The following MAGI1 variants were observed in gnomAD, a reference collection of about 807,000 sequenced individuals.
MAGI1 encodes membrane associated guanylate kinase, WW and PDZ domain containing 1.
MAGI1 carries 58 observed loss-of-function variants against 139.9 expected under a neutral mutation model. That is an observed-to-expected ratio of 0.41 (90% CI 0.34 to 0.52). The LOEUF (loss-of-function observed/expected upper bound fraction) is 0.52, where lower values mean the gene tolerates loss of function less well. Among genes scored for constraint, MAGI1 ranks in the 20% least tolerant of loss-of-function variants. MAGI1 has a pLI of 0.12. For synonymous variants in MAGI1, 812 were observed against 737.9 expected, an observed-to-expected ratio of 1.10 and a Z score of -1.63; for missense variants, 1,874 against 1,901.6, an observed-to-expected ratio of 0.99 and a Z score of 0.27.
At chr3:65,939,691 G>C (rs1046686062) in intron 1 of MAGI1, among the ~76,000 whole-genome samples, 1 of 152,166 alleles carries the variant, frequency 6.6e-6, no homozygotes, top group African/African-American at 2.4e-5. Context: ...TGTGTCATCT[G>C]CATCTAAAAC....
At chr3:65,845,533 T>C (rs944913825) in intron 1 of MAGI1, among the ~76,000 whole-genome samples, 5 of 152,218 alleles carry the variant, frequency 3.3e-5, no homozygotes. Context: ...AAATGCCACC[T>C]ATTGCTACAT....
intron 1 of MAGI1, among the ~76,000 whole-genome samples, chr3:65,812,571 G>C (rs998763430): frequency 1.3e-5 from 2 of 151,572 alleles, no homozygotes; most frequent in Non-Finnish European, 2.9e-5. Context: ...CTACAAGCCA[G>C]TACTGAGCAA....
At chr3:65,702,706 C>A (rs1268943496) in intron 1 of MAGI1, among the ~76,000 whole-genome samples, 1 of 152,088 alleles carries the variant, frequency 6.6e-6, no homozygotes, top group East Asian at 1.9e-4. Flanking sequence ...GTTAGGCCAC[C>A]TGTATGTACT....
intron 2 of MAGI1, among the ~76,000 whole-genome samples, chr3:65,583,383 G>A (rs1302038642): frequency 6.6e-6 from 1 of 152,196 alleles, no homozygotes; most frequent in African/African-American, 2.4e-5. Context: ...CTATGTTACA[G>A]TGGGAGAGGG....
At chr3:65,853,142 G>A (rs1009628050) in intron 1 of MAGI1, among the ~76,000 whole-genome samples, 2 of 152,012 alleles carry the variant, frequency 1.3e-5, no homozygotes, top group African/African-American at 4.8e-5. Context: ...ACTCCAGCCA[G>A]GGCGACAGAG....
chr3:65,796,050 CAAA>C (rs35663778), intron 1 of MAGI1, among the ~76,000 whole-genome samples: 23,465 of 102,652 alleles, frequency 0.23, 2,014 homozygotes, highest in East Asian at 0.43. Flanking sequence ...GACTCTGTCT[CAAA>C]AAAAAAAAAA....
chr3:65,664,345 T>C (rs34945136), intron 1 of MAGI1, among the ~76,000 whole-genome samples: 91,208 of 151,988 alleles, frequency 0.6, 30,876 homozygotes, highest in East Asian at 0.98. Flanking sequence ...CCAATAACAA[T>C]AAAGGCTAAT....
chr3:65,709,936 G>A (rs1176265607), intron 1 of MAGI1, among the ~76,000 whole-genome samples: 3 of 152,176 alleles, frequency 2.0e-5, no homozygotes, highest in Admixed American at 6.5e-5. Flanking sequence ...ATTAAGTTAT[G>A]AGAAACACTG....
Position 66,026,988 on chromosome 3 carries a change from G to A in MAGI1, c.313+11008C>T, listed in dbSNP as rs1054279850. Among the ~76,000 whole-genome samples the A allele has an allele frequency of 2.0e-5, 3 of 150,962 alleles. No homozygotes were observed. The East Asian group carries it at 5.9e-4, about 30-fold the overall frequency. On this transcript the variant is annotated intron_variant, in intron 1 of 22. Transcript: ENST00000402939. ...CTTTTTCTTAAAAAAAGAGAGGACC[G>A]GCTGGGCGCGGTGGCTCACACTTGT...
chr3:65,635,131 C>G (rs985571389), intron 1 of MAGI1, among the ~76,000 whole-genome samples: 11 of 152,006 alleles, frequency 7.2e-5, no homozygotes, highest in South Asian at 6.2e-4. Context: ...ATGGTGTGGT[C>G]GTGGCTCTCT....
Position 65,353,632 on chromosome 3 carries a change from C to G in MAGI1, c.*2746G>C, listed in dbSNP as rs949588610. ...TACAATTAGGGTGTTGAGTCCTCCC[C>G]CCCAACATTCTTTCAGGCATCAACT... On this transcript the variant is annotated 3_prime_UTR_variant, in exon 23 of 23. Transcript: ENST00000402939. 7 of 152,138 alleles carry G rather than the reference C, an allele frequency of 4.6e-5. No individual in the cohort carries two copies. Among genetic ancestry groups the G allele is most frequent in the African/African-American group, 1.7e-4 (7 of 41,420 alleles). The allele number at this position is 152,138 out of a possible 1,614,324, so 9.4% of individuals were successfully genotyped here.
chr3:65,425,135 A>AAAACC (rs1553642525), intron 12 of MAGI1, among the ~76,000 whole-genome samples: 1 of 87,738 alleles, frequency 1.1e-5, no homozygotes, highest in Admixed American at 1.6e-4. Context: ...AAAAAAAACA[A>AAAACC]AAAAAAACAC....
At chr3:65,759,630 C>T (rs547235417) in intron 1 of MAGI1, among the ~76,000 whole-genome samples, 10 of 152,240 alleles carry the variant, frequency 6.6e-5, no homozygotes, top group South Asian at 2.1e-4. Flanking sequence ...AGCACAAGAC[C>T]GAACAAACAG....
chr3:65,833,099 G>C (rs911885558), intron 1 of MAGI1, among the ~76,000 whole-genome samples: 3 of 147,040 alleles, frequency 2.0e-5, no homozygotes, highest in Non-Finnish European at 4.5e-5. Context: ...AGTGGGCTAG[G>C]ACTGGAATGG....
chr3:65,979,094 C>CCCG (rs1553742286), intron 1 of MAGI1, among the ~76,000 whole-genome samples: 1 of 53,018 alleles, frequency 1.9e-5, no homozygotes, highest in African/African-American at 5.1e-5. Context: ...TTCTTCCCCC[C>CCCG]CCCCGCCACC....
chr3:65,990,710 G>A (rs62243805), intron 1 of MAGI1, among the ~76,000 whole-genome samples: 20,991 of 152,112 alleles, frequency 0.14, 1,531 homozygotes, highest in East Asian at 0.25. Flanking sequence ...AAATATATAG[G>A]CCATTGTGCA....
At chr3:65,545,843 C>T (rs1255741085) in intron 2 of MAGI1, among the ~76,000 whole-genome samples, 2 of 152,002 alleles carry the variant, frequency 1.3e-5, no homozygotes, top group Non-Finnish European at 1.5e-5. Flanking sequence ...GAAAATTAAA[C>T]AGCCTGTATG....
intron 1 of MAGI1, among the ~76,000 whole-genome samples, chr3:65,704,273 C>T (rs549326779): frequency 2.0e-5 from 3 of 152,312 alleles, no homozygotes; most frequent in African/African-American, 7.2e-5. Context: ...TAGGAGACAC[C>T]TCATTTGCAG....
At chr3:65,598,673 C>T (rs1053396888) in intron 2 of MAGI1, among the ~76,000 whole-genome samples, 3 of 152,338 alleles carry the variant, frequency 2.0e-5, no homozygotes, top group Middle Eastern at 6.8e-3. Flanking sequence ...CAAGCTGCTT[C>T]TCTACTGCTC....
Sources: allele counts gnomAD v4.1 joint callset (sites outside exome capture counted in the v4.1 genomes callset), GRCh38; gene constraint gnomAD v4.1.1; transcripts MANE v1.5; gene names NCBI Gene and HGNC (gene_info 2026-07-23, HGNC 2026-07-21).